Variants in PLSCR5 observed in about 807,000 individuals in gnomAD.
The protein encoded by PLSCR5 is phospholipid scramblase family member 5, also known as phospholipid scramblase family, member 5.
PLSCR5 carries 44 observed loss-of-function variants against 33.6 expected under a neutral mutation model. The observed-to-expected ratio is 1.31, with a 90% confidence interval of 1.03 to 1.69. The LOEUF (loss-of-function observed/expected upper bound fraction) is 1.69, where lower values mean the gene tolerates loss of function less well. Among genes scored for constraint, PLSCR5 ranks in the 40% most tolerant of loss-of-function variants. The probability of loss-of-function intolerance (pLI) is 0.00; values close to 1 mark genes in which losing one functional copy is unlikely to be tolerated. For missense variants in PLSCR5, 375 were observed against 318.7 expected (o/e 1.18, Z -1.34); for synonymous variants, 148 against 112.3 (o/e 1.32, Z -2.01).
chr3:146,596,164 C>T (rs1448154040), intron 2 of PLSCR5, among the ~76,000 whole-genome samples: 1 of 152,062 alleles, frequency 6.6e-6, no homozygotes, highest in African/African-American at 2.4e-5. Context: ...AAGTTATGTT[C>T]TTATAAAGAA....
downstream of PLSCR5, among the ~76,000 whole-genome samples, chr3:146,581,636 TAATAAC>T (rs1200779145): frequency 6.6e-6 from 1 of 152,222 alleles, no homozygotes; most frequent in East Asian, 1.9e-4. Context: ...TGACTATAGT[TAATAAC>T]AATGTTTTGT....
At chr3:146,596,181 T>C (rs1158516209) in intron 2 of PLSCR5, among the ~76,000 whole-genome samples, 1 of 152,160 alleles carries the variant, frequency 6.6e-6, no homozygotes, top group Admixed American at 6.6e-5. Flanking sequence ...AGAAATTTAT[T>C]TGCGTTTATT....
rs553085619 is a variant in PLSCR5, at chr3:146,602,851, T to C, written c.13+2349A>G. On this transcript the variant is annotated intron_variant, in intron 1 of 7. Transcript: ENST00000443512. ...GACTTCACAGCAAGTCCAGAAGCAT[T>C]AATGCACTTGGAGCTCAGAGGATAT... 2.0e-5 allele frequency among the ~76,000 whole-genome samples: 3 copies of C among 152,184 alleles called. No individual in the cohort carries two copies. In the South Asian group the frequency reaches 6.2e-4, roughly 32 times the overall value.
chr3:146,600,865 C>T (rs1693512762), intron 1 of PLSCR5, among the ~76,000 whole-genome samples: 1 of 148,064 alleles, frequency 6.8e-6, no homozygotes, highest in Admixed American at 6.8e-5. Flanking sequence ...TTACTTTATA[C>T]ATATATAAAT....
In PLSCR5 at chr3:146,593,988, G is replaced by C. The variant is rs182408490; in HGVS notation, c.385C>G (p.Arg129Gly). 1.9e-6 allele frequency: 3 copies of C among 1,613,628 alleles called. No homozygotes were observed. The African/African-American group carries it at 4.0e-5, about 22-fold the overall frequency. The change falls in exon 4 of 8, where the codon CGA (arginine) becomes GGA (glycine). Residue 129 changes from arginine to glycine, a missense_variant. Arg to Gly is a moderately radical substitution (Grantham distance 125, BLOSUM62 -2). Transcript: ENST00000443512. ...CTLRITDNSG[R>G]EVITVNRPLR... Reference sequence around the variant, plus strand: ...GGCCTGTTCACTGTAATGACCTCTCGACCTGAGTTATCTGTGATCCTCAGG... The same window carrying C: ...GGCCTGTTCACTGTAATGACCTCTCCACCTGAGTTATCTGTGATCCTCAGG...
At chr3:146,598,494 A>G (rs1055870941) in intron 2 of PLSCR5, among the ~76,000 whole-genome samples, 2 of 152,212 alleles carry the variant, frequency 1.3e-5, no homozygotes, top group African/African-American at 4.8e-5. Context: ...TGATTAACAA[A>G]GGTATATTTT....
intron 6 of PLSCR5, among the ~76,000 whole-genome samples, chr3:146,587,216 C>A (rs12107033): frequency 0.26 from 39,560 of 151,984 alleles, 5,156 homozygotes; most frequent in African/African-American, 0.27. Context: ...CAGATGCTTG[C>A]ACTTTGCACC....
At position 146,604,695 on chromosome 3, in the gene PLSCR5, C is replaced by T. The variant is rs1309181157; in HGVS notation, c.13+505G>A. Reference sequence around the variant, plus strand: ...GCTTGATGGGATGGATATCCCATTCCCCTTTATGTCCTTAATTCACATTGC... The same window carrying T: ...GCTTGATGGGATGGATATCCCATTCTCCTTTATGTCCTTAATTCACATTGC... On this transcript the variant is annotated intron_variant, in intron 1 of 7. Coordinates refer to ENST00000443512, the MANE Select transcript of PLSCR5 (RefSeq NM_001085420.2). Among the ~76,000 whole-genome samples, 6 of 152,052 alleles carry T rather than the reference C, an allele frequency of 3.9e-5. No individual in the cohort carries two copies. In the East Asian group the frequency reaches 1.2e-3, roughly 29 times the overall value.
At chr3:146,577,140 T>G (rs1343949094) in intron 7 of PLSCR5, among the ~76,000 whole-genome samples, 1 of 152,098 alleles carries the variant, frequency 6.6e-6, no homozygotes, top group Non-Finnish European at 1.5e-5. Flanking sequence ...ATACGATAAG[T>G]TGATTTTTCT....
chr3:146,601,991 A>G (rs2044820244), intron 1 of PLSCR5, among the ~76,000 whole-genome samples: 1 of 152,116 alleles, frequency 6.6e-6, no homozygotes, highest in Non-Finnish European at 1.5e-5. Flanking sequence ...GTGTAGGGCC[A>G]TTAAGTTTGT....
chr3:146,581,521 A>G (rs1025218450), downstream of PLSCR5, among the ~76,000 whole-genome samples: 6 of 152,228 alleles, frequency 3.9e-5, no homozygotes, highest in Non-Finnish European at 2.9e-5. Flanking sequence ...GGGACAATGT[A>G]CCATTGAATA....
intron 2 of PLSCR5, among the ~76,000 whole-genome samples, chr3:146,596,252 C>T (rs949837380): frequency 1.3e-5 from 2 of 152,048 alleles, no homozygotes; most frequent in African/African-American, 4.8e-5. Context: ...GCAGTGGCAC[C>T]ATCTTGGCTC....
intron 7 of PLSCR5, among the ~76,000 whole-genome samples, chr3:146,578,181 C>A (rs74403131): frequency 0.093 from 11,629 of 124,704 alleles, 497 homozygotes; most frequent in East Asian, 0.19. Context: ...AAAATATTTT[C>A]CAAATCTTTT....
chr3:146,578,219 C>T (rs2044611002), intron 7 of PLSCR5, among the ~76,000 whole-genome samples: 1 of 151,702 alleles, frequency 6.6e-6, no homozygotes, highest in East Asian at 1.9e-4. Context: ...TTATTAATTA[C>T]TCCAATATAA....
intron 7 of PLSCR5, among the ~76,000 whole-genome samples, chr3:146,579,980 C>A (rs944154500): frequency 6.6e-6 from 1 of 152,206 alleles, no homozygotes. Context: ...GTTCTCCCAG[C>A]CAAACACTTC....
chr3:146,579,276 T>G (rs994663088), intron 7 of PLSCR5, among the ~76,000 whole-genome samples: 3 of 152,314 alleles, frequency 2.0e-5, no homozygotes, highest in African/African-American at 7.2e-5. Flanking sequence ...AAAAAATGCT[T>G]AATTTGAAAA....
intron 2 of PLSCR5, among the ~76,000 whole-genome samples, chr3:146,598,693 A>G (rs1164080081): frequency 1.3e-5 from 2 of 152,214 alleles, no homozygotes; most frequent in African/African-American, 4.8e-5. Context: ...TATCACTTTT[A>G]TACTTGGCAA....
At chr3:146,594,412 G>A (rs1372991045) in intron 3 of PLSCR5, among the ~76,000 whole-genome samples, 1 of 151,830 alleles carries the variant, frequency 6.6e-6, no homozygotes, top group Admixed American at 6.6e-5. Flanking sequence ...TTTCACTAAA[G>A]GACAAATGCT....
chr3:146,590,616 A>C (rs1395134744), intron 5 of PLSCR5, among the ~76,000 whole-genome samples: 2 of 152,088 alleles, frequency 1.3e-5, no homozygotes, highest in South Asian at 4.1e-4. Flanking sequence ...GAGAATAGAG[A>C]GGGTTACTTA....
Sources: gnomAD v4.1 joint callset for allele counts (sites outside exome capture counted in the v4.1 genomes callset) on GRCh38, gnomAD v4.1.1 for gene constraint, MANE v1.5 for transcripts, NCBI Gene and HGNC (gene_info 2026-07-23, HGNC 2026-07-21) for gene names.